The following PPP6R1 variants were observed in gnomAD, a reference collection of about 807,000 sequenced individuals.
The protein encoded by PPP6R1 is protein phosphatase 6 regulatory subunit 1.
In PPP6R1, 39 loss-of-function variants were observed where a neutral mutation model predicts 104.6. That is an observed-to-expected ratio of 0.37 (90% CI 0.29 to 0.49). The LOEUF (loss-of-function observed/expected upper bound fraction) is 0.49. Among genes scored for constraint, PPP6R1 ranks in the 20% least tolerant of loss-of-function variants. The pLI is 0.98. For missense variants in PPP6R1, 1,181 were observed against 1,155.8 expected (o/e 1.02, Z -0.32); for synonymous variants, 549 against 479.0 (o/e 1.15, Z -1.91).
intron 1 of PPP6R1, among the ~76,000 whole-genome samples, chr19:55,247,682 C>G (rs955852249): frequency 6.6e-6 from 1 of 152,174 alleles, no homozygotes; most frequent in Admixed American, 6.5e-5. Context: ...CCCAAGGCTA[C>G]GTGGGAGGCA....
intron 1 of PPP6R1, among the ~76,000 whole-genome samples, chr19:55,253,581 A>G (rs930251886): frequency 2.6e-5 from 4 of 152,230 alleles, no homozygotes; most frequent in Non-Finnish European, 4.4e-5. Context: ...TGAACTCTCC[A>G]TCTCAAGTGG....
At chr19:55,256,388 C>T (rs1313240715) in intron 1 of PPP6R1, among the ~76,000 whole-genome samples, 1 of 152,260 alleles carries the variant, frequency 6.6e-6, no homozygotes, top group Non-Finnish European at 1.5e-5. Flanking sequence ...CTCCACTCAC[C>T]AGATACTGGC....
intron 21 of PPP6R1, 138 bp downstream of exon 21, chr19:55,231,272 G>GGGATAAGAGATCTCAGCTGCAGCTCC: frequency 9.4e-7 from 1 of 1,066,226 alleles, no homozygotes; most frequent in Non-Finnish European, 1.4e-6. Flanking sequence ...AGGGGCTGGG[G>GGGATAAGAGATCTCAGCTGCAGCTCC]CACAACATGA....
chr19:55,231,920 A>C lies in PPP6R1; in HGVS notation c.2188T>G (p.Ser730Ala). 6.4e-7 allele frequency: 1 copy of C among 1,553,576 alleles called. No individual in the cohort carries two copies. Among genetic ancestry groups the C allele is most frequent in the Non-Finnish European group, 8.7e-7 (1 of 1,146,640 alleles). Residue 730 changes from serine (S) to alanine (A), a missense_variant, in exon 19 of 24, where the codon TCC (serine) becomes GCC (alanine). By Grantham distance (99) the Ser-to-Ala change is moderately conservative (BLOSUM62 1). Transcript: ENST00000412770. ...CCAGTGTGCAGCTCTTCCTCCCCGGAGACTCGGGGGCTGGTCGGGGCATCT... is the reference window on the plus strand; with the variant it reads ...CCAGTGTGCAGCTCTTCCTCCCCGGCGACTCGGGGGCTGGTCGGGGCATCT... ...PTDAPTSPRV[S>A]GEEELHTGPP...
At chr19:55,252,472 C>T (rs2087561574) in intron 1 of PPP6R1, among the ~76,000 whole-genome samples, 1 of 151,354 alleles carries the variant, frequency 6.6e-6, no homozygotes, top group Non-Finnish European at 1.5e-5. Flanking sequence ...GATCTCGGCT[C>T]ACTGCAATCT....
intron 17 of PPP6R1, among the ~76,000 whole-genome samples, chr19:55,234,403 GA>G (rs1211180253): frequency 6.6e-6 from 1 of 152,228 alleles, no homozygotes; most frequent in African/African-American, 2.4e-5. Context: ...GTGCCAAGAT[GA>G]TTCAGTGGAG....
Position 55,230,767 on chromosome 19 carries a change from T to C in PPP6R1, c.2570+7A>G. 1 of 817,124 alleles carries C rather than the reference T, an allele frequency of 1.2e-6. No homozygotes were observed. The highest frequency in any genetic ancestry group is 1.8e-6 in the Non-Finnish European group (1 of 553,296). The allele number at this position is 817,124 out of a possible 1,614,324, so 50.6% of individuals were successfully genotyped here. ...CCACCCCCCCGCCCTGCTGCCCTGG[T>C]GCTCACCTCTGGCTTTGGGGAAGCC... On this transcript the variant is annotated splice_region_variant and intron_variant, in intron 22 of 23. Transcript: ENST00000412770.
At chr19:55,239,048 G>A (rs946967005) in intron 15 of PPP6R1, 15 of 281,338 alleles carry the variant, frequency 5.3e-5, no homozygotes, top group Non-Finnish European at 8.3e-5. Context: ...CAGTCCCTGC[G>A]CCAGGACTGC....
At chr19:55,231,312 C>T in intron 21 of PPP6R1, 98 bp downstream of exon 21, 2 of 1,389,332 alleles carry the variant, frequency 1.4e-6, no homozygotes, top group Non-Finnish European at 2.0e-6. Flanking sequence ...GCAAAGGAGG[C>T]CTGGAGCAGC....
intron 1 of PPP6R1, among the ~76,000 whole-genome samples, chr19:55,253,668 G>C (rs1182224185): frequency 6.6e-6 from 1 of 152,186 alleles, no homozygotes; most frequent in Non-Finnish European, 1.5e-5. Context: ...TCAATTATCA[G>C]GCTCTAAACA....
In PPP6R1 at chr19:55,245,224, A is replaced by G; in HGVS notation, c.553-39T>C. The G allele has an allele frequency of 6.2e-7, 1 of 1,605,352 alleles. No individual in the cohort carries two copies. ...GGCGAGGGATGCATCGCTGTCCACCACGCCCAGCCCCCCACCCCCAGAGGA... is the reference window on the plus strand; with the variant it reads ...GGCGAGGGATGCATCGCTGTCCACCGCGCCCAGCCCCCCACCCCCAGAGGA... On this transcript the variant is annotated intron_variant, in intron 4 of 23. Coordinates refer to ENST00000412770, the MANE Select transcript of PPP6R1 (RefSeq NM_014931.4). The surrounding 1 kb of genome is among the most constrained non-coding windows in gnomAD (Gnocchi z 6.4).
chr19:55,232,571 T>C, intron 17 of PPP6R1: 1 of 238,842 alleles, frequency 4.2e-6, no homozygotes, highest in East Asian at 9.4e-5. Flanking sequence ...CCTCACACGG[T>C]CACCACAGTG....
rs1007507278 is a variant in PPP6R1, at chr19:55,242,478, T to C, written c.629A>G (p.Asn210Ser). 3 of 1,613,390 alleles carry C rather than the reference T, an allele frequency of 1.9e-6. No homozygotes were observed. The highest frequency in any genetic ancestry group is 2.5e-6 in the Non-Finnish European group (3 of 1,179,420). ...HPSKDENQHS[N>S]ASQSLCDIIR... is the part of the protein sequence containing the mutation. ...GATGTCACACAGGGACTGGGATGCG[T>C]TGGAATGTTGCTGGAACGGGGAGAG... The change falls in exon 6 of 24, where the codon AAC (asparagine) becomes AGC (serine). Residue 210 changes from asparagine to serine, a missense_variant. Around this residue, in one of 2 missense-constraint regions of PPP6R1, gnomAD observed 1,042 missense variants for 955.6 expected, o/e 1.09. Transcript: ENST00000412770.
chr19:55,234,692 C>T (rs528874521), intron 17 of PPP6R1, among the ~76,000 whole-genome samples: 1 of 152,194 alleles, frequency 6.6e-6, no homozygotes, highest in East Asian at 1.9e-4. Flanking sequence ...AGGAACCTGC[C>T]CAAAGGCCTG....
rs768853554 is a variant in PPP6R1 at position 55,236,956 on chromosome 19, T to C, written c.1766A>G (p.Lys589Arg). 2 of 1,612,800 alleles carry C rather than the reference T, an allele frequency of 1.2e-6. No individual in the cohort carries two copies. The highest frequency in any genetic ancestry group is 2.2e-5 in the South Asian group (2 of 91,042). The change falls in exon 16 of 24, where the codon AAG becomes AGG. Residue 589 changes from lysine to arginine, a missense_variant. Lys to Arg is a conservative substitution (Grantham distance 26, BLOSUM62 2). Transcript: ENST00000412770. ...GAGGGAGAAGGTGATGTTGGCTGTCTTGTCAAAAGGTGCGCTAGGAGAGAA... is the reference window on the plus strand; with the variant it reads ...GAGGGAGAAGGTGATGTTGGCTGTCCTGTCAAAAGGTGCGCTAGGAGAGAA... The part of the protein sequence containing the change: ...QEESVNAPFD[K>R]TANITFSLNA...
intron 1 of PPP6R1, among the ~76,000 whole-genome samples, chr19:55,253,592 C>T (rs2087570340): frequency 6.6e-6 from 1 of 152,214 alleles, no homozygotes; most frequent in South Asian, 2.1e-4. Flanking sequence ...TCTCAAGTGG[C>T]TCCTCTGAAA....
intron 1 of PPP6R1, among the ~76,000 whole-genome samples, chr19:55,251,999 C>T (rs2087557295): frequency 1.3e-5 from 2 of 152,084 alleles, no homozygotes; most frequent in African/African-American, 4.8e-5. Context: ...CATGCCATGC[C>T]AGCAAAGCCA....
rs1484222347 is a variant in PPP6R1, at chr19:55,230,460, G to A, written c.*68C>T. On this transcript the variant is annotated 3_prime_UTR_variant, in exon 24 of 24. Coordinates refer to ENST00000412770, the MANE Select transcript of PPP6R1 (RefSeq NM_014931.4). ...GGCAATGGGGGCCATCGTGGGACCC[G>A]CCCTGCCCCCACCCCGGGAGATCCA... is the stretch of plus-strand genomic sequence containing the variant. The A allele has an allele frequency of 1.3e-5, 20 of 1,584,306 alleles. No individual in the cohort carries two copies. The highest frequency in any genetic ancestry group is 4.0e-5 in the African/African-American group (3 of 74,268).
chr19:55,240,678 C>T (rs3848608), intron 10 of PPP6R1, among the ~76,000 whole-genome samples: 141,594 of 152,048 alleles, frequency 0.93, 66,072 homozygotes, highest in African/African-American at 0.98. Flanking sequence ...CGCACGTGTG[C>T]GCACTCATGC....
Sources: gnomAD v4.1 joint callset for allele counts (sites outside exome capture counted in the v4.1 genomes callset) on GRCh38, gnomAD v4.1.1 for gene constraint, gnomAD v4.1.1 regional missense constraint, Gnocchi (gnomAD v3.1) non-coding constraint, MANE v1.5 for transcripts, NCBI Gene and HGNC (gene_info 2026-07-23, HGNC 2026-07-21) for gene names.